The following RHOBTB1 variants were observed in gnomAD, a reference collection of about 807,000 sequenced individuals.
RHOBTB1 encodes rho-related BTB domain-containing protein 1.
In RHOBTB1, 40 loss-of-function variants were observed where a neutral mutation model predicts 71.6. The ratio of observed to expected loss-of-function variants is 0.56; its 90% confidence interval spans 0.43 to 0.73. The LOEUF is 0.73. Among genes scored for constraint, RHOBTB1 ranks in the 30% least tolerant of loss-of-function variants. The pLI is 0.00. For missense variants in RHOBTB1, 797 were observed against 894.0 expected (o/e 0.89, Z 1.38); for synonymous variants, 319 against 334.9 (o/e 0.95, Z 0.52).
chr10:60,891,202 T>G (rs2081897836), intron 5 of RHOBTB1, among the ~76,000 whole-genome samples: 1 of 152,010 alleles, frequency 6.6e-6, no homozygotes. Flanking sequence ...ACCTAGAACA[T>G]CAGAAATTGT....
chr10:60,883,114 A>G (rs2132469999), intron 7 of RHOBTB1, among the ~76,000 whole-genome samples: 1 of 152,196 alleles, frequency 6.6e-6, no homozygotes, highest in Non-Finnish European at 1.5e-5. Flanking sequence ...AGGGGCGAGA[A>G]TGTCGACAGC....
At chr10:60,910,832 T>G in intron 4 of RHOBTB1, 55 bp downstream of exon 4, 1 of 1,341,792 alleles carries the variant, frequency 7.5e-7, no homozygotes, top group Non-Finnish European at 1.1e-6. Context: ...CCGCTGCTGG[T>G]TTTGAAAAGG....
chr10:60,935,539 A>G (rs1191913291), intron 2 of RHOBTB1, among the ~76,000 whole-genome samples: 1 of 152,114 alleles, frequency 6.6e-6, no homozygotes, highest in Non-Finnish European at 1.5e-5. Context: ...TGTGGGCTCT[A>G]AGTTCTTTGA....
intron 2 of RHOBTB1, among the ~76,000 whole-genome samples, chr10:60,974,550 G>C (rs2086258024): frequency 6.6e-6 from 1 of 152,006 alleles, no homozygotes; most frequent in Non-Finnish European, 1.5e-5. Flanking sequence ...TCGAGATTGG[G>C]GGGTCAGTAC....
chr10:60,992,475 C>T (rs1220772582), intron 1 of RHOBTB1, among the ~76,000 whole-genome samples: 1 of 152,106 alleles, frequency 6.6e-6, no homozygotes, highest in African/African-American at 2.4e-5. Flanking sequence ...TCAAAAATGC[C>T]TAAGTCTCTG....
intron 4 of RHOBTB1, among the ~76,000 whole-genome samples, chr10:60,909,278 C>T (rs969705354): frequency 5.3e-5 from 8 of 152,056 alleles, no homozygotes; most frequent in Non-Finnish European, 7.4e-5. Context: ...TGTTAAATTT[C>T]GTTGTTTGAA....
chr10:60,983,958 A>G (rs560360955), intron 2 of RHOBTB1, among the ~76,000 whole-genome samples: 7 of 152,296 alleles, frequency 4.6e-5, no homozygotes, highest in Non-Finnish European at 8.8e-5. Flanking sequence ...AGACGTTTAC[A>G]ATTTTTATCA....
At chr10:60,906,778 G>A (rs1481993894) in intron 4 of RHOBTB1, among the ~76,000 whole-genome samples, 10 of 152,252 alleles carry the variant, frequency 6.6e-5, no homozygotes, top group South Asian at 2.1e-4. Flanking sequence ...CCTGCAGACA[G>A]ATCAATGAAG....
At chr10:60,886,068 A>G (rs2081553639) in intron 7 of RHOBTB1, 44 bp downstream of exon 7, 1 of 1,389,062 alleles carries the variant, frequency 7.2e-7, no homozygotes, top group African/African-American at 1.4e-5. Flanking sequence ...ACAGGCACAC[A>G]TACATTCATA....
intron 1 of RHOBTB1, among the ~76,000 whole-genome samples, chr10:60,994,803 C>T (rs2086991384): frequency 6.6e-6 from 1 of 152,004 alleles, no homozygotes; most frequent in Non-Finnish European, 1.5e-5. Context: ...ATTGTTCCAT[C>T]TCATAAGTTT....
intron 9 of RHOBTB1, among the ~76,000 whole-genome samples, chr10:60,874,472 T>G (rs996317563): frequency 1.3e-4 from 20 of 152,206 alleles, no homozygotes; most frequent in African/African-American, 4.6e-4. Context: ...TCTTGGACCT[T>G]CTCTGGAAGA....
chr10:60,909,403 T>A (rs1247567210), intron 4 of RHOBTB1, among the ~76,000 whole-genome samples: 4 of 152,212 alleles, frequency 2.6e-5, no homozygotes, highest in Non-Finnish European at 4.4e-5. Context: ...TGAAATAGTC[T>A]CTAGATTCTA....
chr10:60,971,083 T>C (rs6479743), intron 2 of RHOBTB1, among the ~76,000 whole-genome samples: 77,635 of 151,834 alleles, frequency 0.51, 20,175 homozygotes, highest in East Asian at 0.77. Context: ...ATTATCATTA[T>C]TGATGTAATT....
At chr10:60,914,964 A>C (rs969492333) in intron 2 of RHOBTB1, among the ~76,000 whole-genome samples, 1 of 152,236 alleles carries the variant, frequency 6.6e-6, no homozygotes, top group African/African-American at 2.4e-5. Context: ...CAGGGCCCAG[A>C]TCACTTGCTC....
intron 2 of RHOBTB1, among the ~76,000 whole-genome samples, chr10:60,976,756 T>C (rs2086329750): frequency 6.6e-6 from 1 of 152,042 alleles, no homozygotes; most frequent in Non-Finnish European, 1.5e-5. Flanking sequence ...AATAAAAATA[T>C]TTTCTTTAAA....
intron 2 of RHOBTB1, among the ~76,000 whole-genome samples, chr10:60,952,331 C>A (rs191064774): frequency 7.4e-4 from 112 of 152,064 alleles, no homozygotes; most frequent in African/African-American, 2.6e-3. Flanking sequence ...GGGACTAGTG[C>A]ACATGATAAT....
Position 60,979,978 on chromosome 10 carries a change from G to A in RHOBTB1, c.-62+5867C>T, listed in dbSNP as rs183060360. Among the ~76,000 whole-genome samples the A allele has an allele frequency of 1.6e-3, 250 of 152,236 alleles. 1 individual carries two copies. Among genetic ancestry groups the A allele is most frequent in the African/African-American group, 5.8e-3 (242 of 41,540 alleles). ...AGGGTGGCTGGAATATAGTAGAATG[G>A]GAGAGGGAGGAACCGGAAGGAAGTG... On this transcript the variant is annotated intron_variant, in intron 2 of 11. Transcript: ENST00000357917.
chr10:60,891,195 T>C (rs1476576134), intron 5 of RHOBTB1, among the ~76,000 whole-genome samples: 1 of 152,154 alleles, frequency 6.6e-6, no homozygotes, highest in Non-Finnish European at 1.5e-5. Flanking sequence ...AAAACATACC[T>C]AGAACATCAG....
intron 5 of RHOBTB1, among the ~76,000 whole-genome samples, chr10:60,891,778 C>T (rs2081932057): frequency 6.6e-6 from 1 of 152,076 alleles, no homozygotes; most frequent in Non-Finnish European, 1.5e-5. Context: ...TTAAAAGAAA[C>T]GTATTTCCCT....
Sources: allele counts gnomAD v4.1 joint callset (sites outside exome capture counted in the v4.1 genomes callset), GRCh38; gene constraint gnomAD v4.1.1; transcripts MANE v1.5; gene names NCBI Gene and HGNC (gene_info 2026-07-23, HGNC 2026-07-21).